CEL: variants seen among roughly 807,000 people sequenced by gnomAD.
CEL encodes the protein bile salt-activated lipase.
In CEL, 39 loss-of-function variants were observed where a neutral mutation model predicts 57.1. The observed-to-expected ratio is 0.68, with a 90% CI of 0.53 to 0.89. The LOEUF (loss-of-function observed/expected upper bound fraction) is 0.89. Among genes scored for constraint, CEL ranks in the 40% least tolerant of loss-of-function variants. The probability of loss-of-function intolerance (pLI) is 0.00; values close to 1 mark genes in which losing one functional copy is unlikely to be tolerated. For missense variants in CEL, 698 were observed against 915.0 expected, an observed-to-expected ratio of 0.76 and a Z score of 3.06; for synonymous variants, 314 against 396.6, an observed-to-expected ratio of 0.79 and a Z score of 2.48.
Position 133,071,003 on chromosome 9 carries a change from G to A in CEL, c.1501G>A (p.Asp501Asn), listed in dbSNP as rs202171778. ...FAKTGDPNMGDSAVPTHWEPY... is the reference protein window; with the variant it reads ...FAKTGDPNMGNSAVPTHWEPY... The stretch of plus-strand genomic sequence containing the variant: ...ACTCTGCAGGGACCCCAACATGGGC[G>A]ACTCGGCTGTGCCCACACACTGGGA... The change falls in exon 11 of 11, where the codon GAC becomes AAC. Residue 501 changes from aspartate to asparagine, a missense_variant. By Grantham distance (23) the Asp-to-Asn change is conservative. Coordinates refer to ENST00000372080, the MANE Select transcript of CEL (RefSeq NM_001807.6). The A allele has an allele frequency of 4.8e-5, 77 of 1,607,032 alleles. 1 individual carries two copies. Among genetic ancestry groups the A allele is most frequent in the East Asian group, 4.5e-5 (2 of 44,762 alleles).
intron 3 of CEL, 65 bp from the exon 4 acceptor site, chr9:133,064,975 A>C: frequency 6.3e-7 from 1 of 1,597,430 alleles, no homozygotes; most frequent in Non-Finnish European, 8.6e-7. Flanking sequence ...GCACAGGGAC[A>C]GGGGACCGGC....
Position 133,067,107 on chromosome 9 carries a change from G to T in CEL, c.797G>T (p.Cys266Phe). 6.2e-7 allele frequency: 1 copy of T among 1,614,156 alleles called. No individual in the cohort carries two copies. The highest frequency in any genetic ancestry group is 8.5e-7 in the Non-Finnish European group (1 of 1,180,014). The change falls in exon 7 of 11, where the codon TGC (cysteine) becomes TTC (phenylalanine). Residue 266 changes from cysteine (C) to phenylalanine (F), a missense_variant. Cys to Phe is a radical substitution (Grantham distance 205, BLOSUM62 -2). This residue lies in a region of CEL where 327 missense variants were observed against 374.1 expected (regional missense o/e 0.87). Coordinates refer to ENST00000372080, the MANE Select transcript of CEL (RefSeq NM_001807.6). ...WAKKVAEKVG[C>F]PVGDAARMAQ... Reference sequence around the variant, plus strand: ...CCCCAGGTGGCTGAGAAGGTGGGTTGCCCTGTGGGTGATGCCGCCAGGATG... The same window carrying T: ...CCCCAGGTGGCTGAGAAGGTGGGTTTCCCTGTGGGTGATGCCGCCAGGATG...
chr9:133,066,401 C>T lies in CEL; in HGVS notation c.539-129C>T, dbSNP rs1283372977. ...CAGCTTCTTAGGGACCCACCATTTG[C>T]CAACTGGGGCTCTGCCATGGCCCCA... is the stretch of plus-strand genomic sequence containing the variant. On this transcript the variant is annotated intron_variant, in intron 4 of 10. Coordinates refer to ENST00000372080, the MANE Select transcript of CEL (RefSeq NM_001807.6). The surrounding 1 kb of genome is among the most constrained non-coding windows in gnomAD (Gnocchi z 4.3). 5 of 1,205,464 alleles carry T rather than the reference C, an allele frequency of 4.1e-6. No individual in the cohort carries two copies. Among genetic ancestry groups the T allele is most frequent in the Non-Finnish European group, 6.0e-6 (5 of 839,392 alleles). The allele number at this position is 1,205,464 out of a possible 1,614,324, so 74.7% of individuals were successfully genotyped here. A position where few individuals can be genotyped will look rare whatever the true frequency, so the allele number is the denominator to read the frequency against.
In CEL at chr9:133,066,400, G is replaced by A; in HGVS notation, c.539-130G>A. 1 of 1,168,364 alleles carries A rather than the reference G, an allele frequency of 8.6e-7. No individual in the cohort carries two copies. Among genetic ancestry groups the A allele is most frequent in the East Asian group, 2.5e-5 (1 of 40,586 alleles). 72.4% of individuals were successfully genotyped at this position (1,168,364 alleles called of 1,614,324 possible). A position where few individuals can be genotyped will look rare whatever the true frequency, so the allele number is the denominator to read the frequency against. ...CCAGCTTCTTAGGGACCCACCATTTGCCAACTGGGGCTCTGCCATGGCCCC... is the reference window on the plus strand; with the variant it reads ...CCAGCTTCTTAGGGACCCACCATTTACCAACTGGGGCTCTGCCATGGCCCC... On this transcript the variant is annotated intron_variant, in intron 4 of 10. Coordinates refer to ENST00000372080, the MANE Select transcript of CEL (RefSeq NM_001807.6). This position sits in a 1 kb window ranked among gnomAD's most constrained non-coding sequence, Gnocchi z 4.3.
chr9:133,064,867 C>G (rs1554732232), intron 3 of CEL, 105 bp downstream of exon 3: 2 of 1,582,166 alleles, frequency 1.3e-6, no homozygotes, highest in South Asian at 2.2e-5. Flanking sequence ...TCCATGAAAT[C>G]CCACAGAGGC....
Position 133,071,835 on chromosome 9 carries a change from C to T in CEL, c.*71C>T. ...AGGGGCTCCCCTCCCATCTTGAGCTCTTCCTGAATAAAGCCTCATACCCCT... is the reference window on the plus strand; with the variant it reads ...AGGGGCTCCCCTCCCATCTTGAGCTTTTCCTGAATAAAGCCTCATACCCCT... On this transcript the variant is annotated 3_prime_UTR_variant, in exon 11 of 11. Transcript: ENST00000372080. 7.2e-6 allele frequency: 10 copies of T among 1,397,036 alleles called. No individual in the cohort carries two copies. Among genetic ancestry groups the T allele is most frequent in the African/African-American group, 1.4e-5 (1 of 70,586 alleles). The allele number at this position is 1,397,036 out of a possible 1,614,324, so 86.5% of individuals were successfully genotyped here. A position where few individuals can be genotyped will look rare whatever the true frequency, so the allele number is the denominator to read the frequency against.
At position 133,071,758 on chromosome 9, in the gene CEL, G is replaced by T. The variant is rs1163874179; in HGVS notation, c.2256G>T (p.Arg752Ser). The T allele has an allele frequency of 1.2e-6, 2 of 1,611,106 alleles. No homozygotes were observed. The highest frequency in any genetic ancestry group is 2.2e-5 in the South Asian group (2 of 90,940). ...SKEAQMPAVI[R>S]F ...AAGCTCAGATGCCTGCAGTCATTAG[G>T]TTTTAGCGTCCCATGAGCCTTGGTA... is the stretch of plus-strand genomic sequence containing the variant. Residue 752 changes from arginine (R) to serine (S), a missense_variant, in exon 11 of 11, where the codon AGG becomes AGT. Physicochemically the swap from Arg to Ser is moderately radical, Grantham distance 110. This residue lies in a region of CEL where 238 missense variants were observed against 213.7 expected (regional missense o/e 1.11). Coordinates refer to ENST00000372080, the MANE Select transcript of CEL (RefSeq NM_001807.6).
chr9:133,064,603 C>G (rs371081359), intron 2 of CEL, 37 bp from the exon 3 acceptor site: 1 of 1,613,372 alleles, frequency 6.2e-7, no homozygotes, highest in South Asian at 1.1e-5. Flanking sequence ...CGGGTGAGGG[C>G]GGCTGCCTTC....
chr9:133,068,637 C>A (rs760381479), intron 7 of CEL, 35 bp from the exon 8 acceptor site: 2 of 1,613,570 alleles, frequency 1.2e-6, no homozygotes, highest in South Asian at 2.2e-5. Flanking sequence ...CTGGGAGGTA[C>A]AAGAACCTGC....
In CEL at chr9:133,070,998, T is replaced by G. The variant is rs540011091; in HGVS notation, c.1496T>G (p.Met499Arg). The G allele has an allele frequency of 4.3e-6, 7 of 1,613,576 alleles. No homozygotes were observed. The highest frequency in any genetic ancestry group is 5.9e-6 in the Non-Finnish European group (7 of 1,179,818). ...TNFAKTGDPN[M>R]GDSAVPTHWE... The stretch of plus-strand genomic sequence containing the variant: ...TTCTCACTCTGCAGGGACCCCAACA[T>G]GGGCGACTCGGCTGTGCCCACACAC... The change falls in exon 11 of 11, where the codon ATG (methionine) becomes AGG (arginine). Residue 499 changes from methionine (M) to arginine (R), a missense_variant. Met to Arg is a moderately conservative substitution (Grantham distance 91). Coordinates refer to ENST00000372080, the MANE Select transcript of CEL (RefSeq NM_001807.6).
In CEL at chr9:133,064,300, G is replaced by T; in HGVS notation, c.67-104G>T. The T allele has an allele frequency of 3.3e-6, 5 of 1,502,428 alleles. No homozygotes were observed. In the African/African-American group the frequency reaches 5.5e-5, roughly 17 times the overall value. 93.1% of individuals were successfully genotyped at this position (1,502,428 alleles called of 1,614,324 possible). A position where few individuals can be genotyped will look rare whatever the true frequency, so the allele number is the denominator to read the frequency against. On this transcript the variant is annotated intron_variant, in intron 1 of 10. Coordinates refer to ENST00000372080, the MANE Select transcript of CEL (RefSeq NM_001807.6). ...CTGTGCAGAGCTGTCCTGCTTTGAA[G>T]CTGTCTTTGCCTCTGGGCACGCGGA... is the stretch of plus-strand genomic sequence containing the variant.
chr9:133,065,310 C>A (rs1830161190), intron 4 of CEL, 73 bp downstream of exon 4: 1 of 1,532,696 alleles, frequency 6.5e-7, no homozygotes, highest in Non-Finnish European at 8.9e-7. Context: ...TTCCTCAGCA[C>A]CCCTCACCCC....
At chr9:133,062,818 C>T (rs1320511185) in intron 1 of CEL, among the ~76,000 whole-genome samples, 1 of 151,658 alleles carries the variant, frequency 6.6e-6, no homozygotes, top group Non-Finnish European at 1.5e-5. Flanking sequence ...CAGCATGGCA[C>T]AGCTGCTGCC....
chr9:133,071,639 C>CCCGTGCCGCCCACGGGTGACT lies in CEL; in HGVS notation c.2141_2161dup (p.Val714_Ser720dup), dbSNP rs1830277665. On this transcript the variant is annotated inframe_insertion, in exon 11 of 11. Transcript: ENST00000372080. ...CCCCACGGGTGACTCCGAGACCGCC[C>CCCGTGCCGCCCACGGGTGACT]CCGTGCCGCCCACGGGTGACTCCGG... 6.6e-7 allele frequency: 1 copy of CCCGTGCCGCCCACGGGTGACT among 1,524,656 alleles called. No homozygotes were observed. Among genetic ancestry groups the CCCGTGCCGCCCACGGGTGACT allele is most frequent in the Non-Finnish European group, 9.0e-7 (1 of 1,114,638 alleles). 94.4% of individuals were successfully genotyped at this position (1,524,656 alleles called of 1,614,324 possible). A position where few individuals can be genotyped will look rare whatever the true frequency, so the allele number is the denominator to read the frequency against.
Position 133,071,535 on chromosome 9 carries a change from C to T in CEL, c.2033C>T (p.Pro678Leu), listed in dbSNP as rs572204410. The part of the protein sequence containing the change: ...PPVPPTGDAG[P>L]PPVPPTGDSG... ...GTGCCGCCCACGGGTGACGCCGGGC[C>T]CCCCCCCGTGCCGCCCACGGGTGAC... is the stretch of plus-strand genomic sequence containing the variant. Residue 678 changes from proline (P) to leucine (L), a missense_variant, in exon 11 of 11, where the codon CCC becomes CTC. Pro to Leu is a moderately conservative substitution (Grantham distance 98, BLOSUM62 -3). Around this residue, in one of 6 missense-constraint regions of CEL, gnomAD observed 238 missense variants for 213.7 expected, o/e 1.11. Transcript: ENST00000372080. 4 of 837,914 alleles carry T rather than the reference C, an allele frequency of 4.8e-6. No individual in the cohort carries two copies. The highest frequency in any genetic ancestry group is 4.3e-5 in the African/African-American group (2 of 46,878). The allele number at this position is 837,914 out of a possible 1,614,324, so 51.9% of individuals were successfully genotyped here.
intron 9 of CEL, 146 bp from the exon 10 acceptor site, chr9:133,070,315 C>T (rs1441311278): frequency 6.0e-6 from 4 of 671,482 alleles, no homozygotes; most frequent in East Asian, 2.7e-5. Flanking sequence ...GCTTTCCCTT[C>T]CCTGGGTGTA....
In CEL at chr9:133,071,630, G is replaced by A. The variant is rs1281430699; in HGVS notation, c.2128G>A (p.Glu710Lys). 5 of 1,494,770 alleles carry A rather than the reference G, an allele frequency of 3.3e-6. No homozygotes were observed. The highest frequency in any genetic ancestry group is 2.3e-5 in the East Asian group (1 of 42,924). The allele number at this position is 1,494,770 out of a possible 1,614,324, so 92.6% of individuals were successfully genotyped here. A position where few individuals can be genotyped will look rare whatever the true frequency, so the allele number is the denominator to read the frequency against. ...CCCCGTGACCCCCACGGGTGACTCC[G>A]AGACCGCCCCCGTGCCGCCCACGGG... ...APPVTPTGDSETAPVPPTGDS... is the reference protein window; with the variant it reads ...APPVTPTGDSKTAPVPPTGDS... Residue 710 changes from glutamate to lysine, a missense_variant, in exon 11 of 11, where the codon GAG becomes AAG. Around this residue, in one of 6 missense-constraint regions of CEL, gnomAD observed 238 missense variants for 213.7 expected, o/e 1.11. Coordinates refer to ENST00000372080, the MANE Select transcript of CEL (RefSeq NM_001807.6).
At chr9:133,063,745 GCA>G (rs544805305) in intron 1 of CEL, among the ~76,000 whole-genome samples, 134 of 152,256 alleles carry the variant, frequency 8.8e-4, no homozygotes, top group Non-Finnish European at 1.6e-3. Context: ...ACAGCTTGGT[GCA>G]CAGAGGCCAT....
At chr9:133,063,203 C>T (rs976019193) in intron 1 of CEL, among the ~76,000 whole-genome samples, 17 of 152,244 alleles carry the variant, frequency 1.1e-4, no homozygotes, top group African/African-American at 3.6e-4. Flanking sequence ...AGGTCACCTT[C>T]TTCTTGGGCG....
Sources: gnomAD v4.1 joint callset for allele counts (sites outside exome capture counted in the v4.1 genomes callset) on GRCh38, gnomAD v4.1.1 for gene constraint, gnomAD v4.1.1 regional missense constraint, Gnocchi (gnomAD v3.1) non-coding constraint, MANE v1.5 for transcripts, NCBI Gene and HGNC (gene_info 2026-07-23, HGNC 2026-07-21) for gene names.